Variants in SPOCD1 observed in about 807,000 individuals in gnomAD.
SPOCD1 encodes SPOC domain-containing protein 1.
SPOCD1 carries 64 observed loss-of-function variants against 92.2 expected under a neutral mutation model. That is an observed-to-expected ratio of 0.69 (90% CI 0.57 to 0.86). The LOEUF (loss-of-function observed/expected upper bound fraction) is 0.86. Among genes scored for constraint, SPOCD1 ranks in the 40% least tolerant of loss-of-function variants. SPOCD1 has a pLI of 0.00. For synonymous variants in SPOCD1, 578 were observed against 619.3 expected (o/e 0.93, Z 0.99); for missense variants, 1,360 against 1,543.1 (o/e 0.88, Z 1.99).
rs899958832 is a variant in SPOCD1, at chr1:31,798,795, T to G, written c.1869-194A>C. 18 of 617,280 alleles carry G rather than the reference T, an allele frequency of 2.9e-5. No homozygotes were observed. Among genetic ancestry groups the G allele is most frequent in the Non-Finnish European group, 4.5e-5 (16 of 353,080 alleles). The allele number at this position is 617,280 out of a possible 1,614,324, so 38.2% of individuals were successfully genotyped here. On this transcript the variant is annotated intron_variant, in intron 7 of 15. Transcript: ENST00000360482. The surrounding 1 kb of genome is among the most constrained non-coding windows in gnomAD (Gnocchi z 4.1). ...AATAGGATCATTCTCCTTTTATGGA[T>G]GGGGTTACTGGGGCTCAGGGAAAAT...
chr1:31,796,780 T>A, intron 9 of SPOCD1, 65 bp from the exon 10 acceptor site: 1 of 1,608,342 alleles, frequency 6.2e-7, no homozygotes, highest in Admixed American at 1.7e-5. Context: ...AAAGCCCAAG[T>A]GCTCACTTTC....
chr1:31,814,287 A>C lies in SPOCD1; in HGVS notation c.1047T>G (p.Thr349=), dbSNP rs1202756586. ...EQQEAVCVVR[T]GSDEGQAPAQ... ...CTGGAGCCTGGCCTTCATCGCTGCC[A>C]GTCCGCACGACACACACAGCTTCTT... The change falls in exon 2 of 16, where the codon ACT becomes ACG. Residue 349 remains threonine, a synonymous_variant. Transcript: ENST00000360482. This position sits in a 1 kb window ranked among gnomAD's most constrained non-coding sequence, Gnocchi z 4.2. 4 of 1,579,518 alleles carry C rather than the reference A, an allele frequency of 2.5e-6. No homozygotes were observed. In the African/African-American group the frequency reaches 4.0e-5, roughly 16 times the overall value.
chr1:31,798,538 A>G lies in SPOCD1; in HGVS notation c.1932T>C (p.Ile644=). The change falls in exon 8 of 16, where the codon ATT becomes ATC. Residue 644 remains isoleucine (I), a synonymous_variant. Transcript: ENST00000360482. This position sits in a 1 kb window ranked among gnomAD's most constrained non-coding sequence, Gnocchi z 4.1. ...EEVVEGIAAG[I]EAALWDLTQG... ...GTGTCAGGTCCCAGAGGGCTGCCTC[A>G]ATGCCAGCAGCAATGCCCTCCACCA... The G allele has an allele frequency of 6.2e-7, 1 of 1,613,850 alleles. No homozygotes were observed. The highest frequency in any genetic ancestry group is 8.5e-7 in the Non-Finnish European group (1 of 1,180,024).
chr1:31,796,622 T>C lies in SPOCD1; in HGVS notation c.2239A>G (p.Met747Val), dbSNP rs1286150365. ...HKGEVEIQRDMDQTLTLEDLV... is the reference protein window; with the variant it reads ...HKGEVEIQRDVDQTLTLEDLV... ...TCCTCCAGGGTCAGTGTCTGGTCCATGTCCCGCTGAATCTCCACTTCGCCC... is the reference window on the plus strand; with the variant it reads ...TCCTCCAGGGTCAGTGTCTGGTCCACGTCCCGCTGAATCTCCACTTCGCCC... Residue 747 changes from methionine (M) to valine (V), a missense_variant, in exon 10 of 16, where the codon ATG becomes GTG. By Grantham distance (21) the Met-to-Val change is conservative. This residue lies in a region of SPOCD1 where 614 missense variants were observed against 757.8 expected (regional missense o/e 0.81). Coordinates refer to ENST00000360482, the MANE Select transcript of SPOCD1 (RefSeq NM_144569.7). 6.2e-7 allele frequency: 1 copy of C among 1,614,260 alleles called. No individual in the cohort carries two copies. The highest frequency in any genetic ancestry group is 8.5e-7 in the Non-Finnish European group (1 of 1,180,046).
chr1:31,795,382 T>C (rs908408671), intron 10 of SPOCD1: 24 of 152,254 alleles, frequency 1.6e-4, no homozygotes, highest in Admixed American at 7.2e-4. Flanking sequence ...ATCCCAGAAA[T>C]GGGCAGGGAA....
At chr1:31,804,361 A>T (rs1364850923) in intron 2 of SPOCD1, among the ~76,000 whole-genome samples, 1 of 152,226 alleles carries the variant, frequency 6.6e-6, no homozygotes, top group Non-Finnish European at 1.5e-5. Context: ...GTCTGATTCC[A>T]GAGGCCATAA....
At chr1:31,801,817 A>C (rs1249710680) in intron 2 of SPOCD1, 112 bp from the exon 3 acceptor site, 2 of 881,656 alleles carry the variant, frequency 2.3e-6, no homozygotes, top group Non-Finnish European at 3.8e-6. Context: ...TTCAGTGTTC[A>C]CTGAGTTGTA....
At position 31,798,664 on chromosome 1, in the gene SPOCD1, A is replaced by G; in HGVS notation, c.1869-63T>C. The G allele has an allele frequency of 6.4e-7, 1 of 1,558,286 alleles. No homozygotes were observed. The highest frequency in any genetic ancestry group is 1.4e-5 in the African/African-American group (1 of 73,800). On this transcript the variant is annotated intron_variant, in intron 7 of 15. Transcript: ENST00000360482. The surrounding 1 kb of genome is among the most constrained non-coding windows in gnomAD (Gnocchi z 4.1). ...GGAGGCTCTCCAGGCACTTAGTCCC[A>G]GAGGGAGGCAGCTGGGTGGGCGGCA...
At position 31,799,886 on chromosome 1, in the gene SPOCD1, T is replaced by C. The variant is rs948510629; in HGVS notation, c.1729-23A>G. On this transcript the variant is annotated intron_variant, in intron 5 of 15. Transcript: ENST00000360482. The stretch of plus-strand genomic sequence containing the variant: ...ACTCTGTAGGGGAGGCGTGAGGAAT[T>C]GAGGCTGTGCTGGTGGGCCTGGCTT... 5 of 1,614,030 alleles carry C rather than the reference T, an allele frequency of 3.1e-6. No homozygotes were observed. The Admixed American group carries it at 6.7e-5, about 22-fold the overall frequency.
chr1:31,813,300 GCT>G (rs1196850200), intron 2 of SPOCD1, among the ~76,000 whole-genome samples: 2 of 152,110 alleles, frequency 1.3e-5, no homozygotes, highest in African/African-American at 4.8e-5. Flanking sequence ...AGACAGTCTT[GCT>G]CTGTCACCAG....
chr1:31,790,495 G>A lies in SPOCD1; in HGVS notation c.*108C>T. On this transcript the variant is annotated 3_prime_UTR_variant, in exon 16 of 16. Transcript: ENST00000360482. Reference sequence around the variant, plus strand: ...TTGTCAAACAGGAAGTTCAAACAGGGCAGGTGGGTAGGGCTGACCATCCTC... The same window carrying A: ...TTGTCAAACAGGAAGTTCAAACAGGACAGGTGGGTAGGGCTGACCATCCTC... 1 of 977,350 alleles carries A rather than the reference G, an allele frequency of 1.0e-6. No individual in the cohort carries two copies. Among genetic ancestry groups the A allele is most frequent in the African/African-American group, 1.7e-5 (1 of 60,438 alleles). 60.5% of individuals were successfully genotyped at this position (977,350 alleles called of 1,614,324 possible). A position where few individuals can be genotyped will look rare whatever the true frequency, so the allele number is the denominator to read the frequency against.
chr1:31,800,275 A>G (rs551740914), intron 4 of SPOCD1, 134 bp from the exon 5 acceptor site: 184 of 1,475,728 alleles, frequency 1.2e-4, no homozygotes, highest in Middle Eastern at 2.0e-4. Flanking sequence ...AGTAGTACAC[A>G]TGGAGCCCAG....
intron 15 of SPOCD1, 23 bp downstream of exon 15, chr1:31,792,192 T>C (rs1437180647): frequency 6.3e-7 from 1 of 1,581,502 alleles, no homozygotes. Context: ...AGGCAGGGTC[T>C]GGTATGGGGA....
In SPOCD1 at chr1:31,799,394, G is replaced by T; in HGVS notation, c.1868+7C>A. 6.2e-7 allele frequency: 1 copy of T among 1,604,410 alleles called. No individual in the cohort carries two copies. The highest frequency in any genetic ancestry group is 8.5e-7 in the Non-Finnish European group (1 of 1,175,592). ...GGATGTCAGGGGAGTGGGGAGCAAG[G>T]CCTCACCGAGTCCATAGTACCTCCT... On this transcript the variant is annotated splice_region_variant and intron_variant, in intron 7 of 15. Transcript: ENST00000360482.
At chr1:31,802,532 G>A (rs1392155859) in intron 2 of SPOCD1, among the ~76,000 whole-genome samples, 1 of 152,118 alleles carries the variant, frequency 6.6e-6, no homozygotes, top group Non-Finnish European at 1.5e-5. Context: ...ATGGAAAGAT[G>A]TCAAGAAGTA....
intron 2 of SPOCD1, among the ~76,000 whole-genome samples, chr1:31,805,172 G>T (rs1648739978): frequency 1.3e-5 from 2 of 151,432 alleles, no homozygotes; most frequent in South Asian, 4.2e-4. Flanking sequence ...TTTTAGTAGA[G>T]ACAGGGTTTC....
At chr1:31,797,397 CTGT>C (rs1402139102) in intron 9 of SPOCD1, among the ~76,000 whole-genome samples, 2 of 152,252 alleles carry the variant, frequency 1.3e-5, no homozygotes, top group Non-Finnish European at 2.9e-5. Context: ...GTTTAGCGCT[CTGT>C]TGTTGTCACC....
intron 10 of SPOCD1, chr1:31,794,476 C>A: frequency 2.4e-5 from 8 of 332,072 alleles, no homozygotes; most frequent in South Asian, 1.2e-4. Context: ...TATTCCTTTA[C>A]AATCTTTTTC....
chr1:31,798,493 G>T lies in SPOCD1; in HGVS notation c.1977C>A (p.Tyr659Ter), dbSNP rs1444935635. 11 of 1,613,884 alleles carry T rather than the reference G, an allele frequency of 6.8e-6. No homozygotes were observed. Among genetic ancestry groups the T allele is most frequent in the Non-Finnish European group, 8.5e-7 (1 of 1,179,998 alleles). ...ACAGCAGGCTGCGATACTTGGTCTTGTACCGGCCATTGGTGCCTTGTGTCA... is the reference window on the plus strand; with the variant it reads ...ACAGCAGGCTGCGATACTTGGTCTTTTACCGGCCATTGGTGCCTTGTGTCA... ...WDLTQGTNGR[Y>*]KTKYRSLLFN... The change falls in exon 8 of 16, where the codon TAC becomes TAA. Residue 659 changes from tyrosine to a stop codon, truncating the protein, a stop_gained. Transcript: ENST00000360482. LOFTEE classifies it high-confidence loss of function. This position sits in a 1 kb window ranked among gnomAD's most constrained non-coding sequence, Gnocchi z 4.1.
Sources: gnomAD v4.1 joint callset for allele counts (sites outside exome capture counted in the v4.1 genomes callset) on GRCh38, gnomAD v4.1.1 for gene constraint, gnomAD v4.1.1 regional missense constraint, Gnocchi (gnomAD v3.1) non-coding constraint, MANE v1.5 for transcripts, NCBI Gene and HGNC (gene_info 2026-07-23, HGNC 2026-07-21) for gene names.